Variants in TMPRSS12 observed in about 807,000 individuals in gnomAD.
The protein encoded by TMPRSS12 is transmembrane serine protease 12, also known as transmembrane protease serine 12.
TMPRSS12 carries 25 observed loss-of-function variants against 26.0 expected under a neutral mutation model. The ratio of observed to expected loss-of-function variants is 0.96; its 90% CI spans 0.70 to 1.34. TMPRSS12 has a LOEUF of 1.34. Ranked by LOEUF, TMPRSS12 falls within the 40% of genes most tolerant of loss-of-function variation. TMPRSS12 has a pLI of 0.00. For synonymous variants in TMPRSS12, 150 were observed against 161.7 expected (o/e 0.93, Z 0.55); for missense variants, 441 against 440.1 (o/e 1.00, Z -0.02).
At chr12:50,867,523 G>A (rs1452582938) in intron 3 of TMPRSS12, among the ~76,000 whole-genome samples, 1 of 152,196 alleles carries the variant, frequency 6.6e-6, no homozygotes, top group East Asian at 1.9e-4. Flanking sequence ...TGAGGAAGAA[G>A]AGAAACCTAA....
chr12:50,885,446 A>G (rs775124474), intron 4 of TMPRSS12, 58 bp downstream of exon 4: 3 of 1,598,180 alleles, frequency 1.9e-6, no homozygotes, highest in Non-Finnish European at 2.6e-6. Flanking sequence ...GAACTTGTCA[A>G]ACAAGGCCTT....
At chr12:50,860,144 C>A (rs569212287) in intron 3 of TMPRSS12, among the ~76,000 whole-genome samples, 1 of 152,276 alleles carries the variant, frequency 6.6e-6, no homozygotes, top group East Asian at 1.9e-4. Flanking sequence ...ATGGTGAAGC[C>A]AGCTCTGCAG....
chr12:50,881,617 C>CAA (rs1441263573), intron 3 of TMPRSS12, among the ~76,000 whole-genome samples: 1 of 151,850 alleles, frequency 6.6e-6, no homozygotes, highest in African/African-American at 2.4e-5. Context: ...TGGTACATAA[C>CAA]AAAACTTGAG....
chr12:50,886,337 C>T (rs1226494053), intron 4 of TMPRSS12: 2 of 151,942 alleles, frequency 1.3e-5, no homozygotes, highest in African/African-American at 2.4e-5. Flanking sequence ...TGTTTTGTCT[C>T]ATGCTTTTTT....
chr12:50,864,717 G>A (rs147673199), intron 3 of TMPRSS12, among the ~76,000 whole-genome samples: 4 of 152,202 alleles, frequency 2.6e-5, no homozygotes, highest in African/African-American at 9.6e-5. Context: ...GAGTGCAGTG[G>A]CGAGATCTTG....
chr12:50,846,675 C>G (rs1056446067), intron 2 of TMPRSS12, among the ~76,000 whole-genome samples: 3 of 152,036 alleles, frequency 2.0e-5, no homozygotes, highest in African/African-American at 7.2e-5. Context: ...ACCTCCCAGG[C>G]TCAGGTGATC....
chr12:50,851,728 C>T (rs1937828285), intron 2 of TMPRSS12, among the ~76,000 whole-genome samples: 1 of 152,030 alleles, frequency 6.6e-6, no homozygotes. Context: ...AATACCATCC[C>T]CAAGACATAT....
intron 3 of TMPRSS12, among the ~76,000 whole-genome samples, chr12:50,869,751 C>A (rs137890668): frequency 1.2e-4 from 19 of 152,214 alleles, no homozygotes; most frequent in African/African-American, 4.6e-4. Context: ...AAACCCATAA[C>A]AAAATACTAG....
intron 2 of TMPRSS12, among the ~76,000 whole-genome samples, chr12:50,858,058 G>A (rs1937898487): frequency 6.6e-6 from 1 of 152,114 alleles, no homozygotes; most frequent in African/African-American, 2.4e-5. Flanking sequence ...TAGCCAGGAT[G>A]GTCTCGATCT....
intron 3 of TMPRSS12, among the ~76,000 whole-genome samples, chr12:50,881,577 T>C (rs1057408901): frequency 6.6e-6 from 1 of 152,144 alleles, no homozygotes; most frequent in Non-Finnish European, 1.5e-5. Context: ...ATAATAATTT[T>C]AAATACTTAG....
intron 3 of TMPRSS12, among the ~76,000 whole-genome samples, chr12:50,877,469 G>A (rs895158220): frequency 1.3e-5 from 2 of 152,068 alleles, no homozygotes; most frequent in African/African-American, 4.8e-5. Flanking sequence ...AAATGCTTAA[G>A]GAATCTACAA....
intron 1 of TMPRSS12, 63 bp from the exon 2 acceptor site, chr12:50,843,779 A>G (rs186623269): frequency 1.4e-6 from 2 of 1,471,274 alleles, no homozygotes; most frequent in East Asian, 2.5e-5. Flanking sequence ...TAATATGTTC[A>G]GCTTAGGAAG....
chr12:50,880,132 C>T (rs1476100229), intron 3 of TMPRSS12, among the ~76,000 whole-genome samples: 2 of 151,876 alleles, frequency 1.3e-5, no homozygotes, highest in Non-Finnish European at 2.9e-5. Context: ...TACAGTGGCT[C>T]ACACCTGTAA....
intron 4 of TMPRSS12, chr12:50,885,661 ATTT>A (rs138746951): frequency 0.017 from 8,903 of 526,340 alleles, 641 homozygotes; most frequent in African/African-American, 0.16. Flanking sequence ...GTACAGCTCA[ATTT>A]TTTTTTTATT....
intron 2 of TMPRSS12, among the ~76,000 whole-genome samples, chr12:50,844,520 C>A (rs1417130869): frequency 1.3e-5 from 2 of 151,934 alleles, no homozygotes; most frequent in African/African-American, 4.8e-5. Context: ...ATTACAGATG[C>A]CTGCCATCAT....
At chr12:50,845,117 A>G (rs554104932) in intron 2 of TMPRSS12, among the ~76,000 whole-genome samples, 1 of 152,292 alleles carries the variant, frequency 6.6e-6, no homozygotes, top group East Asian at 1.9e-4. Flanking sequence ...AGACTCTTTG[A>G]AAAAGAGACT....
intron 1 of TMPRSS12, 40 bp downstream of exon 1, chr12:50,843,191 A>G: frequency 6.7e-7 from 1 of 1,500,540 alleles, no homozygotes; most frequent in Non-Finnish European, 8.9e-7. Context: ...AGCCTCTCTT[A>G]CCTTTTCCCC....
chr12:50,878,441 G>A (rs1248275574), intron 3 of TMPRSS12, among the ~76,000 whole-genome samples: 1 of 151,978 alleles, frequency 6.6e-6, no homozygotes, highest in Non-Finnish European at 1.5e-5. Context: ...AAACAGGTGT[G>A]GTGGTACGCA....
intron 3 of TMPRSS12, among the ~76,000 whole-genome samples, chr12:50,864,527 C>T (rs1039292228): frequency 6.6e-6 from 1 of 151,980 alleles, no homozygotes; most frequent in Non-Finnish European, 1.5e-5. Flanking sequence ...TGAAAGCCAA[C>T]AGAAACAACA....
Sources: allele counts gnomAD v4.1 joint callset (sites outside exome capture counted in the v4.1 genomes callset), GRCh38; gene constraint gnomAD v4.1.1; transcripts MANE v1.5; gene names NCBI Gene and HGNC (gene_info 2026-07-23, HGNC 2026-07-21).